The following THUMPD3 variants were observed in gnomAD, a reference collection of about 807,000 sequenced individuals.
The protein encoded by THUMPD3 is tRNA (guanine(6)-N(2))-methyltransferase THUMP3.
In THUMPD3, 44 loss-of-function variants were observed where a neutral mutation model predicts 54.5. The observed-to-expected ratio is 0.81, with a 90% confidence interval of 0.63 to 1.04. THUMPD3 has a LOEUF of 1.04. THUMPD3 is among the 50% of genes least tolerant of loss of function. The pLI is 0.00. For missense variants in THUMPD3, 604 were observed against 601.3 expected (o/e 1.00, Z -0.05); for synonymous variants, 196 against 201.4 (o/e 0.97, Z 0.23).
rs1162173555 is a variant in THUMPD3, at chr3:9,384,344, C to A, written c.1359+9C>A. Reference sequence around the variant, plus strand: ...CAAAATGCTTTACCAAGGTGCTATACACATTAGCTCAAAATCGCAGCCTGT... The same window carrying A: ...CAAAATGCTTTACCAAGGTGCTATAAACATTAGCTCAAAATCGCAGCCTGT... On this transcript the variant is annotated intron_variant, in intron 9 of 9. Coordinates refer to ENST00000452837, the MANE Select transcript of THUMPD3 (RefSeq NM_001114092.2). The A allele has an allele frequency of 2.2e-5, 35 of 1,604,680 alleles. No homozygotes were observed. The highest frequency in any genetic ancestry group is 2.9e-5 in the Non-Finnish European group (34 of 1,175,970).
rs749393885 is a variant in THUMPD3 at position 9,374,561 on chromosome 3, T to C, written c.853T>C (p.Leu285=). 6.2e-7 allele frequency: 1 copy of C among 1,613,982 alleles called. No homozygotes were observed. The change falls in exon 5 of 10, where the codon TTG becomes CTG. Residue 285 remains leucine (L), a synonymous_variant. Coordinates refer to ENST00000452837, the MANE Select transcript of THUMPD3 (RefSeq NM_001114092.2). The part of the protein sequence containing the change: ...HDNEVIVGIA[L]TEESLHRRNI... ...TAATGAAGTCATTGTGGGCATTGCA[T>C]TGACTGAAGAGAGTCTCCACCGAAG... is the stretch of plus-strand genomic sequence containing the variant.
Position 9,363,429 on chromosome 3 carries a change from G to A in THUMPD3, c.-54+302G>A, listed in dbSNP as rs554003586. The A allele has an allele frequency of 2.6e-5, 4 of 152,388 alleles. No homozygotes were observed. In the South Asian group the frequency reaches 6.2e-4, roughly 24 times the overall value. 9.4% of individuals were successfully genotyped at this position (152,388 alleles called of 1,614,324 possible). A position where few individuals can be genotyped will look rare whatever the true frequency, so the allele number is the denominator to read the frequency against. On this transcript the variant is annotated intron_variant, in intron 1 of 9. Transcript: ENST00000452837. ...TCAGCTGCATTTTTTAGAAGATGGA[G>A]ATTGTATTCACAGTGACTGTCAGCT...
intron 3 of THUMPD3, among the ~76,000 whole-genome samples, chr3:9,370,577 T>A (rs1206916885): frequency 1.3e-5 from 2 of 152,224 alleles, no homozygotes; most frequent in Admixed American, 1.3e-4. Context: ...CCTGAGTAGC[T>A]GGGACTACAG....
intron 3 of THUMPD3, among the ~76,000 whole-genome samples, chr3:9,368,360 A>AC (rs2031743302): frequency 8.6e-6 from 1 of 116,948 alleles, no homozygotes; most frequent in East Asian, 2.5e-4. Context: ...ACCCGCGCAT[A>AC]TTTTTTTTTT....
At chr3:9,364,461 C>T (rs1232375420) in intron 1 of THUMPD3, among the ~76,000 whole-genome samples, 2 of 152,146 alleles carry the variant, frequency 1.3e-5, no homozygotes, top group Non-Finnish European at 2.9e-5. Flanking sequence ...ATTCTCCTCC[C>T]TCAGCCTCCC....
At chr3:9,363,533 G>A (rs1438910041) in intron 1 of THUMPD3, 1 of 152,036 alleles carries the variant, frequency 6.6e-6, no homozygotes, top group Non-Finnish European at 1.5e-5. Flanking sequence ...TAGGTATTCT[G>A]TACTCAATTA....
chr3:9,378,871 T>G (rs2032666940), intron 6 of THUMPD3, among the ~76,000 whole-genome samples: 1 of 152,124 alleles, frequency 6.6e-6, no homozygotes, highest in South Asian at 2.1e-4. Context: ...AGTGTTGTTT[T>G]CTAGTATGAA....
intron 2 of THUMPD3, among the ~76,000 whole-genome samples, chr3:9,365,930 C>T (rs2031527025): frequency 6.6e-6 from 1 of 152,130 alleles, no homozygotes; most frequent in Non-Finnish European, 1.5e-5. Flanking sequence ...CGAAATGCTG[C>T]ACTGAGCATT....
chr3:9,370,400 G>C (rs748759991), intron 3 of THUMPD3, among the ~76,000 whole-genome samples: 2 of 152,114 alleles, frequency 1.3e-5, no homozygotes, highest in Non-Finnish European at 1.5e-5. Context: ...TTGGAGTTAG[G>C]CTTTCTTTCC....
rs2033214389 is a variant in THUMPD3 at position 9,384,745 on chromosome 3, T to C, written c.*57T>C. The stretch of plus-strand genomic sequence containing the variant: ...CTGGAAATGTTAGCATAAAAGAACT[T>C]GGAGAGGAAAAAAGTATTAACAAAA... On this transcript the variant is annotated 3_prime_UTR_variant, in exon 10 of 10. Coordinates refer to ENST00000452837, the MANE Select transcript of THUMPD3 (RefSeq NM_001114092.2). 1 of 1,598,160 alleles carries C rather than the reference T, an allele frequency of 6.3e-7. No homozygotes were observed. The highest frequency in any genetic ancestry group is 1.3e-5 in the African/African-American group (1 of 74,334).
At chr3:9,381,756 CTTTTTTTTTTTTTTTTTTT>C (rs753480713) in intron 7 of THUMPD3, among the ~76,000 whole-genome samples, 13 of 44,368 alleles carry the variant, frequency 2.9e-4, no homozygotes, top group South Asian at 1.6e-3. Flanking sequence ...TCAACCCGTA[CTTTTTTTTTTTTTTTTTTT>C]TTTTTTTTTT....
At chr3:9,383,867 C>G (rs1277163732) in intron 8 of THUMPD3, among the ~76,000 whole-genome samples, 2 of 152,202 alleles carry the variant, frequency 1.3e-5, no homozygotes, top group Non-Finnish European at 2.9e-5. Context: ...GGTGATCTGC[C>G]CGCCTCAGCC....
chr3:9,377,919 A>T (rs761614702), intron 6 of THUMPD3, 31 bp downstream of exon 6: 2 of 1,554,940 alleles, frequency 1.3e-6, no homozygotes, highest in Non-Finnish European at 1.8e-6. Context: ...TTTAGATAAG[A>T]GTGATACATC....
intron 5 of THUMPD3, 90 bp from the exon 6 acceptor site, chr3:9,377,729 A>T: frequency 1.0e-6 from 1 of 970,422 alleles, no homozygotes; most frequent in Non-Finnish European, 1.6e-6. Flanking sequence ...CTAGTGTGGT[A>T]GGTCCTCAAT....
At chr3:9,382,168 AT>A (rs1274287670) in intron 7 of THUMPD3, among the ~76,000 whole-genome samples, 1 of 152,042 alleles carries the variant, frequency 6.6e-6, no homozygotes, top group East Asian at 1.9e-4. Flanking sequence ...TGCGGTTATA[AT>A]ACATATTTTA....
At chr3:9,380,782 TA>T in intron 7 of THUMPD3, 164 bp downstream of exon 7, 2 of 452,320 alleles carry the variant, frequency 4.4e-6, no homozygotes, top group Non-Finnish European at 7.8e-6. Context: ...AAATAAGTTA[TA>T]TTTTTAAAAT....
At position 9,380,620 on chromosome 3, in the gene THUMPD3, T is replaced by C; in HGVS notation, c.1124+2T>C. 1 of 1,590,808 alleles carries C rather than the reference T, an allele frequency of 6.3e-7. No individual in the cohort carries two copies. The highest frequency in any genetic ancestry group is 8.6e-7 in the Non-Finnish European group (1 of 1,161,272). The stretch of plus-strand genomic sequence containing the variant: ...GACCAAGAGCCAAATTAAAGAAGGG[T>C]AAAAATTTAAAAGATTTCTTAGCAT... On this transcript the variant is annotated splice_donor_variant, in intron 7 of 9. Coordinates refer to ENST00000452837, the MANE Select transcript of THUMPD3 (RefSeq NM_001114092.2). LOFTEE classifies it high-confidence loss of function.
Position 9,371,375 on chromosome 3 carries a change from T to C in THUMPD3, c.646T>C (p.Ser216Pro), listed in dbSNP as rs778251585. 7 of 1,614,104 alleles carry C rather than the reference T, an allele frequency of 4.3e-6. No homozygotes were observed. Among genetic ancestry groups the C allele is most frequent in the Non-Finnish European group, 5.9e-6 (7 of 1,180,018 alleles). Residue 216 changes from serine to proline, a missense_variant, in exon 4 of 10, where the codon TCA (serine) becomes CCA (proline). Coordinates refer to ENST00000452837, the MANE Select transcript of THUMPD3 (RefSeq NM_001114092.2). ...TTGCAAAGATGAGACTGATGAAAGC[T>C]CAAAAGAAGAAACTGAGCCTCAAGT... The part of the protein sequence containing the change: ...ASCKDETDES[S>P]KEETEPQVLK...
At chr3:9,372,642 C>G (rs1166659307) in intron 4 of THUMPD3, among the ~76,000 whole-genome samples, 1 of 152,026 alleles carries the variant, frequency 6.6e-6, no homozygotes, top group East Asian at 1.9e-4. Context: ...GACATCATTG[C>G]TAATACTCAT....
Sources: gnomAD v4.1 joint callset for allele counts (sites outside exome capture counted in the v4.1 genomes callset) on GRCh38, gnomAD v4.1.1 for gene constraint, MANE v1.5 for transcripts, NCBI Gene and HGNC (gene_info 2026-07-23, HGNC 2026-07-21) for gene names.